KLHL18: variants seen among roughly 807,000 people sequenced by gnomAD.
KLHL18 encodes the protein kelch-like protein 18.
A neutral mutation model predicts 58.5 loss-of-function variants in KLHL18; 38 were observed. The observed-to-expected ratio is 0.65, with a 90% CI of 0.50 to 0.85. KLHL18 has a LOEUF of 0.85. Among genes scored for constraint, KLHL18 ranks in the 40% least tolerant of loss-of-function variants. The probability of loss-of-function intolerance (pLI) is 0.00; values close to 1 mark genes in which losing one functional copy is unlikely to be tolerated. For missense variants in KLHL18, 624 were observed against 778.4 expected (o/e 0.80, Z 2.36); for synonymous variants, 303 against 301.9 (o/e 1.00, Z -0.04).
Position 47,334,130 on chromosome 3 carries a change from TA to T in KLHL18, c.762-552del, listed in dbSNP as rs1703930184. Among the ~76,000 whole-genome samples, 1 of 152,144 alleles carries T rather than the reference TA, an allele frequency of 6.6e-6. No individual in the cohort carries two copies. Among genetic ancestry groups the T allele is most frequent in the Non-Finnish European group, 1.5e-5 (1 of 68,034 alleles). ...GGGTGGAGTAGTGTCTGGAGGTAGC[TA>T]GGGCCCAGTGACCAGCGGTCTCAAG... On this transcript the variant is annotated intron_variant, in intron 5 of 9. Coordinates refer to ENST00000232766, the MANE Select transcript of KLHL18 (RefSeq NM_025010.5). This position sits in a 1 kb window ranked among gnomAD's most constrained non-coding sequence, Gnocchi z 4.7.
At chr3:47,331,954 G>A (rs1407906318) in intron 4 of KLHL18, among the ~76,000 whole-genome samples, 3 of 152,154 alleles carry the variant, frequency 2.0e-5, no homozygotes, top group African/African-American at 7.2e-5. Flanking sequence ...AGGGAGAGCT[G>A]GGGCACACGC....
chr3:47,319,039 T>C (rs1215776819), intron 1 of KLHL18, among the ~76,000 whole-genome samples: 2 of 152,218 alleles, frequency 1.3e-5, no homozygotes, highest in Non-Finnish European at 2.9e-5. Context: ...TGGCAGATAG[T>C]TGGAAAACAC....
At chr3:47,305,798 T>C (rs913788223) in intron 1 of KLHL18, among the ~76,000 whole-genome samples, 2 of 152,184 alleles carry the variant, frequency 1.3e-5, no homozygotes, top group Non-Finnish European at 2.9e-5. Flanking sequence ...ATTATAAGGC[T>C]TTTCAATTAT....
At chr3:47,283,390 A>T (rs2107560048) in intron 1 of KLHL18, 1 of 440,460 alleles carries the variant, frequency 2.3e-6, no homozygotes, top group East Asian at 3.9e-5. Flanking sequence ...GACAAGAGAA[A>T]ATGGACTTAC....
At position 47,344,663 on chromosome 3, in the gene KLHL18, A is replaced by G. The variant is rs1456720058; in HGVS notation, c.*722A>G. ...AACACTTGAAAGAAACTGGAAAGAA[A>G]AATAATTTTTTTATGTGAACAAATT... On this transcript the variant is annotated 3_prime_UTR_variant, in exon 10 of 10. Transcript: ENST00000232766. 6.5e-6 allele frequency: 1 copy of G among 152,680 alleles called. No homozygotes were observed. The highest frequency in any genetic ancestry group is 1.5e-5 in the Non-Finnish European group (1 of 68,046). 9.5% of individuals were successfully genotyped at this position (152,680 alleles called of 1,614,324 possible). A position where few individuals can be genotyped will look rare whatever the true frequency, so the allele number is the denominator to read the frequency against.
At chr3:47,322,740 A>AT in intron 3 of KLHL18, 32 bp downstream of exon 3, 1 of 1,498,218 alleles carries the variant, frequency 6.7e-7, no homozygotes, top group Middle Eastern at 1.8e-4. Context: ...GGTGGAGAAC[A>AT]TGACTATTTC....
chr3:47,330,225 T>G, intron 4 of KLHL18, 76 bp downstream of exon 4: 3 of 1,370,686 alleles, frequency 2.2e-6, no homozygotes, highest in Non-Finnish European at 3.1e-6. Flanking sequence ...GTTTATGTAT[T>G]TTTTTACAAA....
chr3:47,286,259 G>C (rs1466504135), intron 1 of KLHL18, among the ~76,000 whole-genome samples: 4 of 152,216 alleles, frequency 2.6e-5, no homozygotes. Flanking sequence ...CTTTATTGTA[G>C]AGCCCAAGGA....
intron 1 of KLHL18, among the ~76,000 whole-genome samples, chr3:47,295,631 A>C (rs1331703558): frequency 6.7e-6 from 1 of 149,682 alleles, no homozygotes; most frequent in Non-Finnish European, 1.5e-5. Context: ...GCAGTGGTGC[A>C]ATCATAGTTC....
chr3:47,299,213 C>T (rs1576140906), intron 1 of KLHL18, among the ~76,000 whole-genome samples: 2 of 152,260 alleles, frequency 1.3e-5, no homozygotes, highest in Non-Finnish European at 2.9e-5. Context: ...TGGTCAAACA[C>T]CAGTCTAGAT....
In KLHL18 at chr3:47,319,657, G is replaced by A. The variant is rs1345360228; in HGVS notation, c.134G>A (p.Gly45Glu). 6.2e-7 allele frequency: 1 copy of A among 1,613,436 alleles called. No homozygotes were observed. ...TGTATTTTACTTTGCCCACAGATTG[G>A]GGACCACAAATTCAGTGCCCACCGG... ...GKLCDVTLKI[G>E]DHKFSAHRIV... The change falls in exon 2 of 10, where the codon GGG becomes GAG. Residue 45 changes from glycine to glutamate, a missense_variant. Physicochemically the swap from Gly to Glu is moderately conservative, Grantham distance 98. Coordinates refer to ENST00000232766, the MANE Select transcript of KLHL18 (RefSeq NM_025010.5).
rs372924888 is a variant in KLHL18, at chr3:47,299,550, C to T, written c.129+16456C>T. Among the ~76,000 whole-genome samples, 214 of 149,554 alleles carry T rather than the reference C, an allele frequency of 1.4e-3. 4 individuals are homozygous for T. The South Asian group carries it at 0.043, about 30-fold the overall frequency. On this transcript the variant is annotated intron_variant, in intron 1 of 9. Coordinates refer to ENST00000232766, the MANE Select transcript of KLHL18 (RefSeq NM_025010.5). ...CCTCAAGATTGCAAAATAGGCTGGG[C>T]GCAGTGGCTCACTCCTATGATCTTA...
chr3:47,302,147 A>G (rs553637707), intron 1 of KLHL18, among the ~76,000 whole-genome samples: 33 of 152,328 alleles, frequency 2.2e-4, no homozygotes, highest in African/African-American at 7.5e-4. Context: ...TATGTGTTAT[A>G]CTGTATTCTT....
chr3:47,321,331 T>G (rs112671017), intron 2 of KLHL18, among the ~76,000 whole-genome samples: 2,808 of 148,378 alleles, frequency 0.019, 49 homozygotes, highest in African/African-American at 0.039. Context: ...CCGTTTTTTT[T>G]TTTTGTTTTG....
At chr3:47,327,673 T>C (rs745439700) in intron 3 of KLHL18, among the ~76,000 whole-genome samples, 3 of 152,256 alleles carry the variant, frequency 2.0e-5, no homozygotes, top group Non-Finnish European at 4.4e-5. Context: ...TCTCTGCTTA[T>C]GTTTCTGTGC....
At chr3:47,341,218 T>C (rs1704102157) in intron 8 of KLHL18, among the ~76,000 whole-genome samples, 1 of 152,214 alleles carries the variant, frequency 6.6e-6, no homozygotes, top group East Asian at 1.9e-4. Context: ...GGAACACTCT[T>C]TGAAAAACAT....
intron 1 of KLHL18, among the ~76,000 whole-genome samples, chr3:47,299,424 C>CTGA: frequency 6.6e-6 from 1 of 151,392 alleles, no homozygotes; most frequent in African/African-American, 2.4e-5. Context: ...AGTAGACTTT[C>CTGA]AGTAAAGTTG....
At chr3:47,303,750 A>G in intron 1 of KLHL18, among the ~76,000 whole-genome samples, 1 of 151,968 alleles carries the variant, frequency 6.6e-6, no homozygotes, top group South Asian at 2.1e-4. Flanking sequence ...AATTGATTTT[A>G]TTTGTTTTAT....
intron 8 of KLHL18, among the ~76,000 whole-genome samples, chr3:47,341,701 G>A (rs1704111803): frequency 6.6e-6 from 1 of 152,170 alleles, no homozygotes; most frequent in Admixed American, 6.5e-5. Context: ...GGGAGACGGA[G>A]CAGGGTGGGT....
Sources: allele counts gnomAD v4.1 joint callset (sites outside exome capture counted in the v4.1 genomes callset), GRCh38; gene constraint gnomAD v4.1.1; non-coding constraint Gnocchi (gnomAD v3.1); transcripts MANE v1.5; gene names NCBI Gene and HGNC (gene_info 2026-07-23, HGNC 2026-07-21).